UNC5D: variants seen among roughly 807,000 people sequenced by gnomAD.
UNC5D encodes netrin receptor UNC5D.
In UNC5D, 39 loss-of-function variants were observed where a neutral mutation model predicts 105.4. The ratio of observed to expected loss-of-function variants is 0.37; its 90% CI spans 0.29 to 0.48. UNC5D has a LOEUF of 0.48. UNC5D is among the 20% of genes least tolerant of loss of function. UNC5D has a pLI of 0.98. For missense variants in UNC5D, 991 were observed against 1,202.4 expected (o/e 0.82, Z 2.60); for synonymous variants, 452 against 450.4 (o/e 1.00, Z -0.04).
intron 1 of UNC5D, among the ~76,000 whole-genome samples, chr8:35,353,155 C>T (rs747803681): frequency 1.3e-5 from 2 of 152,118 alleles, no homozygotes; most frequent in African/African-American, 2.4e-5. Context: ...TTTCAAATTC[C>T]TATTACAGCC....
intron 1 of UNC5D, among the ~76,000 whole-genome samples, chr8:35,426,915 G>A (rs528808102): frequency 6.6e-6 from 1 of 152,148 alleles, no homozygotes; most frequent in African/African-American, 2.4e-5. Flanking sequence ...AGCACAGTGA[G>A]TAAAAGCCAT....
chr8:35,303,274 G>A (rs1808095435), intron 1 of UNC5D, among the ~76,000 whole-genome samples: 1 of 152,032 alleles, frequency 6.6e-6, no homozygotes, highest in Non-Finnish European at 1.5e-5. Flanking sequence ...TAGACCCAAA[G>A]TATTCCAACA....
At chr8:35,502,863 C>A (rs1363363974) in intron 1 of UNC5D, among the ~76,000 whole-genome samples, 3 of 152,084 alleles carry the variant, frequency 2.0e-5, no homozygotes, top group Non-Finnish European at 2.9e-5. Flanking sequence ...CCGCGCCCAG[C>A]CTATATGGAC....
chr8:35,538,399 ATATATATATATATATATAT>A (rs1342997783), intron 1 of UNC5D, among the ~76,000 whole-genome samples: 19 of 23,490 alleles, frequency 8.1e-4, no homozygotes, highest in African/African-American at 7.8e-3. Flanking sequence ...AAATAATTAT[ATATATATATATATATATAT>A]ATATATATAT....
chr8:35,293,664 C>T (rs1017242695), intron 1 of UNC5D, among the ~76,000 whole-genome samples: 2 of 152,160 alleles, frequency 1.3e-5, no homozygotes, highest in African/African-American at 2.4e-5. Flanking sequence ...TAAAGTCATG[C>T]ACAACATCTG....
chr8:35,661,173 T>C (rs1199137492), intron 4 of UNC5D, among the ~76,000 whole-genome samples: 4 of 152,008 alleles, frequency 2.6e-5, no homozygotes, highest in Non-Finnish European at 5.9e-5. Context: ...GCAAGAACAG[T>C]GCTATACATA....
At chr8:35,652,006 T>C (rs1214758225) in intron 4 of UNC5D, among the ~76,000 whole-genome samples, 2 of 152,158 alleles carry the variant, frequency 1.3e-5, no homozygotes, top group East Asian at 3.9e-4. Flanking sequence ...GGTGATTCTC[T>C]AGGCTACACA....
rs371504965 is a variant in UNC5D, at chr8:35,623,950, G to T, written c.570+28293G>T. On this transcript the variant is annotated intron_variant, in intron 4 of 16. Coordinates refer to ENST00000404895, the MANE Select transcript of UNC5D (RefSeq NM_080872.4). ...AAAAAATTAGCCGGACGTGGTGGTG[G>T]GCGCCTGTAGTCCCAGCTACTCTGG... 4.7e-3 allele frequency among the ~76,000 whole-genome samples: 710 copies of T among 152,072 alleles called. 9 individuals carry two copies. The highest frequency in any genetic ancestry group is 0.016 in the African/African-American group (683 of 41,486).
chr8:35,771,943 T>C (rs1379893936), intron 15 of UNC5D, among the ~76,000 whole-genome samples: 2 of 152,136 alleles, frequency 1.3e-5, no homozygotes, highest in African/African-American at 4.8e-5. Flanking sequence ...GATTAGGAAG[T>C]TGGGGCTGAG....
In UNC5D at chr8:35,378,366, C is replaced by G. The variant is rs1802826671; in HGVS notation, c.103+142479C>G. ...GAGTGTCTGATCTTCCACATGGGTC[C>G]TGGGCACAGCAAAAGGACTTGAAGA... On this transcript the variant is annotated intron_variant, in intron 1 of 16. Transcript: ENST00000404895. 2.0e-5 allele frequency among the ~76,000 whole-genome samples: 3 copies of G among 152,148 alleles called. No homozygotes were observed. The South Asian group carries it at 6.2e-4, about 32-fold the overall frequency.
intron 1 of UNC5D, among the ~76,000 whole-genome samples, chr8:35,274,859 G>A (rs1350725324): frequency 2.0e-5 from 3 of 151,970 alleles, no homozygotes; most frequent in Non-Finnish European, 4.4e-5. Context: ...GGAAGCCAAG[G>A]CAGGTGGATC....
At chr8:35,750,510 G>A in intron 12 of UNC5D, 72 bp from the exon 13 acceptor site, 7 of 1,453,054 alleles carry the variant, frequency 4.8e-6, no homozygotes, top group Non-Finnish European at 5.8e-6. Flanking sequence ...TTATTTATTT[G>A]TGTCCTGGCA....
rs190221948 is a variant in UNC5D at position 35,310,490 on chromosome 8, C to T, written c.103+74603C>T. Among the ~76,000 whole-genome samples the T allele has an allele frequency of 3.6e-3, 549 of 152,172 alleles. 4 individuals are homozygous for T. The highest frequency in any genetic ancestry group is 0.012 in the African/African-American group (513 of 41,520). ...CAAAAATCTGCCGGGTGTGGTAACG[C>T]ATCCCTGTAATCCCACCTACAGGGG... On this transcript the variant is annotated intron_variant, in intron 1 of 16. Transcript: ENST00000404895.
At chr8:35,719,141 T>TACACACAC (rs57660135) in intron 8 of UNC5D, among the ~76,000 whole-genome samples, 3,114 of 133,090 alleles carry the variant, frequency 0.023, 67 homozygotes, top group East Asian at 0.034. Context: ...CATGTGCTTA[T>TACACACAC]ACACACACAC....
chr8:35,266,505 T>A (rs1393672138), intron 1 of UNC5D, among the ~76,000 whole-genome samples: 1 of 152,226 alleles, frequency 6.6e-6, no homozygotes. Context: ...GTTTGTTAGA[T>A]TATATTTCAG....
chr8:35,502,496 G>T (rs781157632), intron 1 of UNC5D, among the ~76,000 whole-genome samples: 1 of 152,084 alleles, frequency 6.6e-6, no homozygotes, highest in African/African-American at 2.4e-5. Context: ...ATCTCAAATG[G>T]ATTTGAGTTC....
At chr8:35,477,837 A>C (rs1232126905) in intron 1 of UNC5D, among the ~76,000 whole-genome samples, 1 of 152,164 alleles carries the variant, frequency 6.6e-6, no homozygotes, top group Non-Finnish European at 1.5e-5. Context: ...TGATCACAAC[A>C]AACAAAAGAA....
intron 1 of UNC5D, among the ~76,000 whole-genome samples, chr8:35,448,125 T>C (rs1357468065): frequency 6.6e-6 from 1 of 152,102 alleles, no homozygotes; most frequent in African/African-American, 2.4e-5. Context: ...ATGAACTGGC[T>C]GAACTGGAGT....
chr8:35,271,338 T>TGTGTATGTATATGTATACACATGTGCAC (rs1563267165), intron 1 of UNC5D, among the ~76,000 whole-genome samples: 1 of 80,302 alleles, frequency 1.2e-5, no homozygotes, highest in Non-Finnish European at 2.4e-5. Flanking sequence ...CACACGTGCA[T>TGTGTATGTATATGTATACACATGTGCAC]GTGTGTATGT....
Sources: gnomAD v4.1 joint callset for allele counts (sites outside exome capture counted in the v4.1 genomes callset) on GRCh38, gnomAD v4.1.1 for gene constraint, MANE v1.5 for transcripts, NCBI Gene and HGNC (gene_info 2026-07-23, HGNC 2026-07-21) for gene names.